SLC9D1: variants seen among roughly 807,000 people sequenced by gnomAD.
The protein encoded by SLC9D1 is putative LAG1-interacting protein.
chr13:113,498,513 A>G, the SLC9D1 span: 1 of 1,584,276 alleles, frequency 6.3e-7, no homozygotes, highest in African/African-American at 1.4e-5. Flanking sequence ...TTTTGACGAC[A>G]ATAAATCAGT....
At chr13:113,497,951 G>A in the SLC9D1 span, among the ~76,000 whole-genome samples, 3 of 152,174 alleles carry the variant, frequency 2.0e-5, no homozygotes, top group Non-Finnish European at 4.4e-5. Flanking sequence ...GAATTTGACT[G>A]TGCATTGCAT....
the SLC9D1 span, among the ~76,000 whole-genome samples, chr13:113,544,238 C>G: frequency 2.0e-5 from 3 of 152,220 alleles, no homozygotes; most frequent in African/African-American, 7.2e-5. Context: ...CTCGTGCCCG[C>G]TGGGTGAGGC....
the SLC9D1 span, among the ~76,000 whole-genome samples, chr13:113,492,118 C>CA: frequency 1.3e-5 from 2 of 151,984 alleles, no homozygotes; most frequent in Non-Finnish European, 2.9e-5. Flanking sequence ...GAGCTGGGGC[C>CA]ACAGGGAGCA....
chr13:113,548,911 T>C, the SLC9D1 span, among the ~76,000 whole-genome samples: 1 of 152,110 alleles, frequency 6.6e-6, no homozygotes, highest in African/African-American at 2.4e-5. Flanking sequence ...GTCCAGGTGT[T>C]GAGTGCAGTG....
At chr13:113,496,203 C>T in the SLC9D1 span, among the ~76,000 whole-genome samples, 1 of 152,144 alleles carries the variant, frequency 6.6e-6, no homozygotes, top group Admixed American at 6.5e-5. Flanking sequence ...CACAGGAAAT[C>T]GCATCTAGAA....
chr13:113,539,223 C>G, the SLC9D1 span: 1 of 803,702 alleles, frequency 1.2e-6, no homozygotes, highest in Non-Finnish European at 2.0e-6. This position sits in a 1 kb window ranked among gnomAD's most constrained non-coding sequence, Gnocchi z 4.8. Flanking sequence ...CAGGACCAGA[C>G]ACACACACGC....
At chr13:113,502,773 T>C in the SLC9D1 span, among the ~76,000 whole-genome samples, 1 of 152,192 alleles carries the variant, frequency 6.6e-6, no homozygotes, top group Non-Finnish European at 1.5e-5. Context: ...GAGTGCAGCC[T>C]GCTCCCTCCA....
At chr13:113,538,723 A>G in the SLC9D1 span, among the ~76,000 whole-genome samples, 1 of 152,170 alleles carries the variant, frequency 6.6e-6, no homozygotes, top group Non-Finnish European at 1.5e-5. Flanking sequence ...GCTATCGTCT[A>G]CAGTTTTGTT....
chr13:113,491,466 T>C, the SLC9D1 span, among the ~76,000 whole-genome samples: 66 of 132,624 alleles, frequency 5.0e-4, no homozygotes, highest in African/African-American at 1.8e-3. Flanking sequence ...CATTCCCTTC[T>C]TCCCTTCCCA....
At chr13:113,509,041 A>G in the SLC9D1 span, among the ~76,000 whole-genome samples, 7,405 of 86,184 alleles carry the variant, frequency 0.086, 39 homozygotes, top group Middle Eastern at 0.25. Context: ...GGGTCCCCTG[A>G]CACTGCCTGT....
At chr13:113,529,448 A>T in the SLC9D1 span, 2 of 152,258 alleles carry the variant, frequency 1.3e-5, no homozygotes, top group Non-Finnish European at 2.9e-5. Context: ...CAGGAGATCG[A>T]GACCATCCTG....
chr13:113,536,510 A>T, the SLC9D1 span: 1 of 926,300 alleles, frequency 1.1e-6, no homozygotes, highest in Non-Finnish European at 1.3e-6. Context: ...ACATTGTTTT[A>T]TCCATTCCAG....
At chr13:113,492,997 A>T in the SLC9D1 span, among the ~76,000 whole-genome samples, 1 of 152,266 alleles carries the variant, frequency 6.6e-6, no homozygotes. Flanking sequence ...CTCAAAAAAC[A>T]TGCTACAATT....
chr13:113,548,140 G>T, the SLC9D1 span, among the ~76,000 whole-genome samples: 1 of 152,178 alleles, frequency 6.6e-6, no homozygotes, highest in African/African-American at 2.4e-5. Flanking sequence ...CGTGTATTTG[G>T]TGCCTTCGGG....
At chr13:113,525,067 C>G in the SLC9D1 span, among the ~76,000 whole-genome samples, 1 of 152,278 alleles carries the variant, frequency 6.6e-6, no homozygotes, top group East Asian at 1.9e-4. Flanking sequence ...ACAGTGGACA[C>G]ATGTAACTTA....
chr13:113,534,608 G>T, the SLC9D1 span: 1 of 284,750 alleles, frequency 3.5e-6, no homozygotes, highest in Non-Finnish European at 6.5e-6. Context: ...GGACAACAGA[G>T]TGAGAACCCC....
the SLC9D1 span, chr13:113,548,236 G>A: frequency 6.4e-7 from 1 of 1,573,368 alleles, no homozygotes; most frequent in South Asian, 1.1e-5. Context: ...TGGGTTCTCT[G>A]TTTCGTGTGT....
chr13:113,498,009 C>T, the SLC9D1 span, among the ~76,000 whole-genome samples: 10 of 152,104 alleles, frequency 6.6e-5, no homozygotes, highest in Admixed American at 2.0e-4. Flanking sequence ...TTTAAAGTAC[C>T]GCTGCACTCA....
At chr13:113,539,422 T>C in the SLC9D1 span, 1 of 1,613,706 alleles carries the variant, frequency 6.2e-7, no homozygotes, top group Non-Finnish European at 8.5e-7. The surrounding 1 kb of genome is among the most constrained non-coding windows in gnomAD (Gnocchi z 4.8). Flanking sequence ...TCGTCTCCTC[T>C]CAGGGCCCCG....
Sources: gnomAD v4.1 joint callset for allele counts (sites outside exome capture counted in the v4.1 genomes callset) on GRCh38, gnomAD v4.1.1 for gene constraint, Gnocchi (gnomAD v3.1) non-coding constraint, MANE v1.5 for transcripts, NCBI Gene and HGNC (gene_info 2026-07-23, HGNC 2026-07-21) for gene names.